Variants in RDH13 observed in about 807,000 individuals in gnomAD.
RDH13 encodes retinol dehydrogenase 13.
Under a neutral mutation model 28.3 loss-of-function variants are expected in RDH13, and 35 were observed. The observed-to-expected ratio is 1.24, with a 90% CI of 0.95 to 1.64. The LOEUF (loss-of-function observed/expected upper bound fraction) is 1.64. Ranked by LOEUF, RDH13 falls within the 40% of genes most tolerant of loss-of-function variation. RDH13 has a pLI of 0.00. For synonymous variants in RDH13, 229 were observed against 198.5 expected (o/e 1.15, Z -1.29); for missense variants, 514 against 446.3 (o/e 1.15, Z -1.37).
rs563274186 is a variant in RDH13 at position 55,045,228 on chromosome 19, G to C, written c.842C>G (p.Ala281Gly). Residue 281 changes from alanine (A) to glycine (G), a missense_variant, in exon 7 of 7, where the codon GCG (alanine) becomes GGG (glycine). Ala to Gly is a moderately conservative substitution (Grantham distance 60). Transcript: ENST00000415061. ...ATCGAAGTACTTTCCGGAAACATCC[G>C]CCAGTTCCTCCGCCACGGCCAGGTA... Reference protein sequence around the residue: ...STYLAVAEELADVSGKYFDGL... With the variant: ...STYLAVAEELGDVSGKYFDGL... 3.7e-6 allele frequency: 6 copies of C among 1,613,270 alleles called. No homozygotes were observed. The South Asian group carries it at 6.6e-5, about 18-fold the overall frequency.
intron 1 of RDH13, chr19:55,068,950 AGGGG>A: frequency 1.2e-4 from 1 of 8,114 alleles, no homozygotes; most frequent in African/African-American, 4.9e-4. Flanking sequence ...AAGGAAGGGG[AGGGG>A]AGGGGAGGGG....
chr19:55,061,112 CTTTA>C (rs547084308), intron 1 of RDH13, among the ~76,000 whole-genome samples: 21 of 151,932 alleles, frequency 1.4e-4, no homozygotes, highest in Non-Finnish European at 2.5e-4. Flanking sequence ...GGAACCTCTC[CTTTA>C]TTTATTTATT....
At chr19:55,054,700 C>T (rs548731989) in intron 3 of RDH13, among the ~76,000 whole-genome samples, 45 of 151,918 alleles carry the variant, frequency 3.0e-4, no homozygotes, top group Non-Finnish European at 5.1e-4. Flanking sequence ...TCCTGAGTAG[C>T]TGGGACTGTA....
Position 55,048,776 on chromosome 19 carries a change from G to A in RDH13, c.341-13C>T. ...ACTCGCTCCTCCTCTGGAAGAGAGG[G>A]GTGGAGGAGGAGACATCCCGGTGAG... On this transcript the variant is annotated splice_polypyrimidine_tract_variant and intron_variant, in intron 3 of 6. Transcript: ENST00000415061. The A allele has an allele frequency of 6.2e-7, 1 of 1,608,794 alleles. No homozygotes were observed. Among genetic ancestry groups the A allele is most frequent in the Non-Finnish European group, 8.5e-7 (1 of 1,175,560 alleles).
At chr19:55,061,330 C>A (rs2075800736) in intron 1 of RDH13, among the ~76,000 whole-genome samples, 7 of 151,984 alleles carry the variant, frequency 4.6e-5, no homozygotes, top group Admixed American at 4.6e-4. Flanking sequence ...AGAGTTTTAC[C>A]ACGTTGGTCA....
chr19:55,051,616 G>C (rs1386038066), intron 3 of RDH13, among the ~76,000 whole-genome samples: 1 of 151,962 alleles, frequency 6.6e-6, no homozygotes, highest in East Asian at 1.9e-4. Flanking sequence ...TTTTAGTAGA[G>C]ACGGGGTTTC....
At chr19:55,045,375 C>G in intron 6 of RDH13, 66 bp from the exon 7 acceptor site, 1 of 1,328,878 alleles carries the variant, frequency 7.5e-7, no homozygotes. Flanking sequence ...GCCCCGCTCC[C>G]CGGTCAGGGA....
At chr19:55,066,236 A>G (rs2075956007), upstream of RDH13, among the ~76,000 whole-genome samples, 1 of 151,844 alleles carries the variant, frequency 6.6e-6, no homozygotes. Flanking sequence ...CGCCTTTACC[A>G]TTTTCCTGGT....
chr19:55,048,956 G>A (rs957227728), intron 3 of RDH13, among the ~76,000 whole-genome samples, 193 bp from the exon 4 acceptor site: 1 of 152,130 alleles, frequency 6.6e-6, no homozygotes, highest in Non-Finnish European at 1.5e-5. Flanking sequence ...GTCCTTATAG[G>A]AAGGGAAAAC....
Position 55,059,909 on chromosome 19 carries a change from C to T in RDH13, c.66-634G>A, listed in dbSNP as rs150018037. Among the ~76,000 whole-genome samples the T allele has an allele frequency of 9.8e-3, 1,497 of 152,286 alleles. 41 individuals carry two copies. Among genetic ancestry groups the T allele is most frequent in the African/African-American group, 0.034 (1,414 of 41,558 alleles). On this transcript the variant is annotated intron_variant, in intron 1 of 6. Coordinates refer to ENST00000415061, the MANE Select transcript of RDH13 (RefSeq NM_001145971.2). ...GGATCTAGGGCTGTGCAGGAAGTGC[C>T]TTGTTAACACAATGTTTCCAAGCAG...
At chr19:55,047,532 C>A in intron 5 of RDH13, 44 bp from the exon 6 acceptor site, 1 of 1,563,172 alleles carries the variant, frequency 6.4e-7, no homozygotes, top group East Asian at 2.3e-5. Flanking sequence ...GGTCCAGCCT[C>A]ACCTGGGAGG....
chr19:55,056,601 C>G, intron 3 of RDH13, 52 bp downstream of exon 3: 1 of 1,592,520 alleles, frequency 6.3e-7, no homozygotes, highest in Non-Finnish European at 8.6e-7. Flanking sequence ...AGAGCCTGGC[C>G]CTGGGAGCCG....
At position 55,045,050 on chromosome 19, in the gene RDH13, T is replaced by C. The variant is rs2075160971; in HGVS notation, c.*24A>G. 1 of 1,532,812 alleles carries C rather than the reference T, an allele frequency of 6.5e-7. No individual in the cohort carries two copies. The highest frequency in any genetic ancestry group is 8.9e-7 in the Non-Finnish European group (1 of 1,128,932). The allele number at this position is 1,532,812 out of a possible 1,614,324, so 95.0% of individuals were successfully genotyped here. On this transcript the variant is annotated 3_prime_UTR_variant, in exon 7 of 7. Transcript: ENST00000415061. ...TGTCCTCGGTCTGGAGGCGCCATCC[T>C]GGCTTTCAAATCTGCTCCAGAGGTT...
At chr19:55,054,377 C>T (rs920505020) in intron 3 of RDH13, among the ~76,000 whole-genome samples, 23 of 152,270 alleles carry the variant, frequency 1.5e-4, no homozygotes, top group African/African-American at 5.5e-4. Context: ...AGGCGGATCA[C>T]AAGGTCAGGA....
chr19:55,039,747 G>A (rs915783684), downstream of RDH13: 1 of 151,956 alleles, frequency 6.6e-6, no homozygotes, highest in Non-Finnish European at 1.5e-5. Context: ...GCTGAGACAG[G>A]AGAATGGCTT....
At chr19:55,044,169 C>G (rs190597723), downstream of RDH13, 3 of 152,184 alleles carry the variant, frequency 2.0e-5, no homozygotes, top group Non-Finnish European at 2.9e-5. Flanking sequence ...CCACCGCGCC[C>G]GGCCAAGTCT....
In RDH13 at chr19:55,047,007, C is replaced by A. The variant is rs577291965; in HGVS notation, c.760+380G>T. The A allele has an allele frequency of 1.6e-5, 8 of 488,198 alleles. No individual in the cohort carries two copies. In the South Asian group the frequency reaches 4.6e-4, roughly 28 times the overall value. 30.2% of individuals were successfully genotyped at this position (488,198 alleles called of 1,614,324 possible). ...CCCCCCAGTGACTGTGAGGTGAGTC[C>A]TATTAAGGCCTGCACTCTGCAGATG... On this transcript the variant is annotated intron_variant, in intron 6 of 6. Transcript: ENST00000415061.
intron 3 of RDH13, among the ~76,000 whole-genome samples, chr19:55,050,103 C>T (rs1325774814): frequency 1.9e-5 from 2 of 104,050 alleles, no homozygotes; most frequent in Admixed American, 2.7e-4. Context: ...ATTTCACTGC[C>T]CCCAGCCTAT....
At chr19:55,050,125 T>TGG (rs33938316) in intron 3 of RDH13, among the ~76,000 whole-genome samples, 7 of 47,310 alleles carry the variant, frequency 1.5e-4, no homozygotes, top group African/African-American at 3.6e-4. Context: ...TTTTTTTTTT[T>TGG]GGGGGGGGGA....
Sources: allele counts gnomAD v4.1 joint callset (sites outside exome capture counted in the v4.1 genomes callset), GRCh38; gene constraint gnomAD v4.1.1; transcripts MANE v1.5; gene names NCBI Gene and HGNC (gene_info 2026-07-23, HGNC 2026-07-21).